TENM1: variants seen among roughly 807,000 people sequenced by gnomAD.
TENM1 encodes the protein teneurin transmembrane protein 1.
TENM1 carries 35 observed loss-of-function variants against 174.8 expected under a neutral mutation model. That is an observed-to-expected ratio of 0.20 (90% CI 0.15 to 0.27). The LOEUF (loss-of-function observed/expected upper bound fraction) is 0.27, where lower values mean the gene tolerates loss of function less well. TENM1 is among the 10% of genes least tolerant of loss of function. The pLI is 1.00. For synonymous variants in TENM1, 781 were observed against 798.7 expected (o/e 0.98, Z 0.37); for missense variants, 1,633 against 2,130.1 (o/e 0.77, Z 4.59).
At chrX:124,752,309 C>T (rs2054095250) in intron 3 of TENM1, among the ~76,000 whole-genome samples, 1 of 111,896 alleles carries the variant, frequency 8.9e-6, no homozygotes, top group Non-Finnish European at 1.9e-5. Flanking sequence ...AGTGTCTGTT[C>T]ATGTCCTTCG....
chrX:124,517,933 A>G (rs1455739792), intron 18 of TENM1, among the ~76,000 whole-genome samples: 1 of 111,589 alleles, frequency 9.0e-6, no homozygotes, highest in Non-Finnish European at 1.9e-5. Flanking sequence ...AATATCATGG[A>G]GAAGAGAATT....
intron 20 of TENM1, among the ~76,000 whole-genome samples, chrX:124,494,724 C>T (rs1368416254): frequency 2.8e-5 from 3 of 106,124 alleles, no homozygotes; most frequent in Non-Finnish European, 3.9e-5. Flanking sequence ...CATGTGATCT[C>T]ATTGTTCAAT....
At chrX:124,486,303 C>A (rs1322533951) in intron 21 of TENM1, among the ~76,000 whole-genome samples, 1 of 111,653 alleles carries the variant, frequency 9.0e-6, no homozygotes, top group Non-Finnish European at 1.9e-5. Flanking sequence ...TAGCAAAGAT[C>A]ACTTCATTCA....
the TENM1 span, among the ~76,000 whole-genome samples, chrX:124,990,215 C>T: frequency 9.0e-6 from 1 of 110,804 alleles, no homozygotes; most frequent in Non-Finnish European, 1.9e-5. Flanking sequence ...ATATTATTTG[C>T]TCCCCTTCCC....
chrX:124,611,044 A>T (rs1231444230), intron 11 of TENM1, among the ~76,000 whole-genome samples: 1 of 110,951 alleles, frequency 9.0e-6, no homozygotes, highest in African/African-American at 3.3e-5. Context: ...TAGTCAGTAT[A>T]GGTTAGATTA....
chrX:125,109,485 A>G, the TENM1 span, among the ~76,000 whole-genome samples: 1 of 110,844 alleles, frequency 9.0e-6, no homozygotes, highest in African/African-American at 3.3e-5. Flanking sequence ...CCAGGTATTA[A>G]GCCCAGCACC....
chrX:124,930,395 A>G lies in TENM1; in HGVS notation c.217+33142T>C, dbSNP rs1048638263. ...CTTACTGAAGTCCCTGAGGACACTC[A>G]TGATGAAAGCCCTTAAGCTCACACC... is the stretch of plus-strand genomic sequence containing the variant. On this transcript the variant is annotated intron_variant, in intron 1 of 31. Coordinates refer to ENST00000422452, the Ensembl canonical transcript of TENM1. Among the ~76,000 whole-genome samples the G allele has an allele frequency of 3.6e-5, 4 of 111,932 alleles. No individual in the cohort carries two copies. The Admixed American group carries it at 3.8e-4, about 11-fold the overall frequency.
At chrX:124,450,696 C>T (rs991363016) in intron 23 of TENM1, among the ~76,000 whole-genome samples, 1 of 111,812 alleles carries the variant, frequency 8.9e-6, no homozygotes, top group African/African-American at 3.3e-5. Context: ...TAACAGAACT[C>T]TGATTTTGGT....
intron 23 of TENM1, among the ~76,000 whole-genome samples, chrX:124,437,412 G>T (rs756069114): frequency 2.7e-5 from 3 of 111,173 alleles, no homozygotes; most frequent in East Asian, 5.6e-4. Context: ...TGAAAGTCCA[G>T]AAATCCACTG....
chrX:124,491,160 GA>G (rs2047057896), intron 20 of TENM1, among the ~76,000 whole-genome samples: 1 of 111,960 alleles, frequency 8.9e-6, no homozygotes, highest in Admixed American at 9.5e-5. Flanking sequence ...GATTTTGGCT[GA>G]ATATAAGGAA....
At chrX:124,393,091 T>G (rs985371919) in intron 27 of TENM1, among the ~76,000 whole-genome samples, 25 of 111,403 alleles carry the variant, frequency 2.2e-4, no homozygotes, top group African/African-American at 8.2e-4. Flanking sequence ...ATGGTAGCAT[T>G]TTCTCTGGGC....
chrX:124,376,101 A>G (rs2060101187), exon 32 of TENM1: 1 of 112,271 alleles, frequency 8.9e-6, no homozygotes, highest in South Asian at 3.7e-4. Context: ...ATGAACCTGT[A>G]CAGTATCCAG....
chrX:124,750,162 A>T (rs936031193), intron 3 of TENM1, among the ~76,000 whole-genome samples: 1 of 111,646 alleles, frequency 9.0e-6, no homozygotes, highest in African/African-American at 3.2e-5. Flanking sequence ...AAAGAAAAAC[A>T]TGTCCCCTTC....
the TENM1 span, among the ~76,000 whole-genome samples, chrX:125,125,627 C>T: frequency 8.9e-6 from 1 of 111,865 alleles, no homozygotes; most frequent in Non-Finnish European, 1.9e-5. Context: ...GCCCTGCTTT[C>T]GCCAGTGCAT....
chrX:124,783,227 G>T (rs1790659296), intron 3 of TENM1, among the ~76,000 whole-genome samples: 1 of 111,908 alleles, frequency 8.9e-6, no homozygotes, highest in South Asian at 3.7e-4. Flanking sequence ...ATGATATATT[G>T]TGAGTGTGAG....
At chrX:124,554,198 G>A (rs2048644728) in intron 14 of TENM1, among the ~76,000 whole-genome samples, 1 of 112,196 alleles carries the variant, frequency 8.9e-6, no homozygotes, top group Non-Finnish European at 1.9e-5. Context: ...TTGTAAATGT[G>A]CCCAGAGATT....
the TENM1 span, among the ~76,000 whole-genome samples, chrX:125,058,042 A>T: frequency 8.9e-6 from 1 of 112,180 alleles, no homozygotes; most frequent in Non-Finnish European, 1.9e-5. Context: ...CCATCCAAAA[A>T]GTATCATAAA....
At chrX:124,549,753 C>T (rs1432704098) in intron 14 of TENM1, among the ~76,000 whole-genome samples, 1 of 110,988 alleles carries the variant, frequency 9.0e-6, no homozygotes. Context: ...ATGCAAACCC[C>T]GTATTATAAT....
chrX:124,617,369 G>A (rs73634520), intron 11 of TENM1, among the ~76,000 whole-genome samples: 3,562 of 111,700 alleles, frequency 0.032, 128 homozygotes, highest in African/African-American at 0.11. Flanking sequence ...TAGACTTTCC[G>A]GAGAAAGTTT....
Sources: gnomAD v4.1 joint callset for allele counts (sites outside exome capture counted in the v4.1 genomes callset) on GRCh38, gnomAD v4.1.1 for gene constraint, MANE v1.5 for transcripts, NCBI Gene and HGNC (gene_info 2026-07-23, HGNC 2026-07-21) for gene names.